Variants in AKAP13 observed in about 807,000 individuals in gnomAD.
AKAP13 encodes the protein A-kinase anchor protein 13.
A neutral mutation model predicts 264.5 loss-of-function variants in AKAP13; 80 were observed. The observed-to-expected ratio is 0.30, with a 90% CI of 0.25 to 0.36. The LOEUF is 0.36. AKAP13 is among the 10% of genes least tolerant of loss of function. The probability of loss-of-function intolerance (pLI) is 1.00; values close to 1 mark genes in which losing one functional copy is unlikely to be tolerated. For missense variants in AKAP13, 3,712 were observed against 3,435.2 expected, an observed-to-expected ratio of 1.08 and a Z score of -2.01; for synonymous variants, 1,380 against 1,250.2, an observed-to-expected ratio of 1.10 and a Z score of -2.19.
At position 85,741,182 on chromosome 15, in the gene AKAP13, A is replaced by G. The variant is rs1291406623; in HGVS notation, c.7745A>G (p.Gln2582Arg). Reference protein sequence around the residue: ...EKQRSLEKQRQDLANLQKQQA... With the variant: ...EKQRSLEKQRRDLANLQKQQA... ...CAGCGCAGCCTGGAGAAGCAGCGCC[A>G]GGACCTGGCCAACCTGCAGAAGCAG... Residue 2582 changes from glutamine to arginine, a missense_variant, in exon 35 of 37, where the codon CAG becomes CGG. Coordinates refer to ENST00000394518, the MANE Select transcript of AKAP13 (RefSeq NM_007200.5). The G allele has an allele frequency of 6.2e-7, 1 of 1,611,896 alleles. No homozygotes were observed. Among genetic ancestry groups the G allele is most frequent in the African/African-American group, 1.3e-5 (1 of 74,884 alleles).
chr15:85,720,123 A>T (rs944399088), intron 23 of AKAP13, among the ~76,000 whole-genome samples: 5 of 151,700 alleles, frequency 3.3e-5, no homozygotes, highest in African/African-American at 1.2e-4. Context: ...GGTCCCAACC[A>T]CTCAGGAGCC....
chr15:85,606,090 CTTTT>C (rs369008646), intron 8 of AKAP13, among the ~76,000 whole-genome samples: 34 of 88,368 alleles, frequency 3.8e-4, no homozygotes, highest in Non-Finnish European at 5.0e-4. Context: ...GTTTGATCTA[CTTTT>C]TTTTTTTTTT....
chr15:85,681,048 C>T (rs2084570008), intron 14 of AKAP13, among the ~76,000 whole-genome samples: 1 of 152,080 alleles, frequency 6.6e-6, no homozygotes, highest in Non-Finnish European at 1.5e-5. Flanking sequence ...AAACTCCTGA[C>T]CTCAAGTGAT....
chr15:85,434,699 CA>C (rs2073191795), intron 1 of AKAP13, among the ~76,000 whole-genome samples: 2 of 152,196 alleles, frequency 1.3e-5, no homozygotes, highest in African/African-American at 4.8e-5. Context: ...AGGTACCCCC[CA>C]GCAGGGGCAC....
intron 8 of AKAP13, among the ~76,000 whole-genome samples, chr15:85,612,294 A>T (rs2080673324): frequency 6.6e-6 from 1 of 152,222 alleles, no homozygotes; most frequent in African/African-American, 2.4e-5. Context: ...TTATGCTTTG[A>T]ATAGGTGCAG....
At chr15:85,740,740 CCCACCCACCCACACAGACACACACA>C (rs2088896621) in intron 34 of AKAP13, among the ~76,000 whole-genome samples, 2 of 125,704 alleles carry the variant, frequency 1.6e-5, no homozygotes, top group African/African-American at 3.1e-5. Context: ...ACACACACAA[CCCACCCACCCACACAGACACACACA>C]CACACAACCA....
chr15:85,640,988 G>A (rs1317940067), intron 9 of AKAP13, among the ~76,000 whole-genome samples: 1 of 152,014 alleles, frequency 6.6e-6, no homozygotes, highest in Admixed American at 6.6e-5. Flanking sequence ...GTAAAATCTC[G>A]ATTTAACAGA....
At chr15:85,677,356 C>A (rs980436884) in intron 14 of AKAP13, among the ~76,000 whole-genome samples, 1 of 152,186 alleles carries the variant, frequency 6.6e-6, no homozygotes, top group Non-Finnish European at 1.5e-5. Flanking sequence ...CACACAGATA[C>A]CCTCAAAGGT....
intron 1 of AKAP13, among the ~76,000 whole-genome samples, chr15:85,443,231 C>T (rs1295140348): frequency 6.6e-6 from 1 of 151,814 alleles, no homozygotes; most frequent in African/African-American, 2.4e-5. Flanking sequence ...CAAATTAAGA[C>T]TTGTTTCTCT....
chr15:85,606,090 CTTT>C (rs369008646), intron 8 of AKAP13, among the ~76,000 whole-genome samples: 15 of 88,370 alleles, frequency 1.7e-4, no homozygotes, highest in South Asian at 4.4e-4. Context: ...GTTTGATCTA[CTTT>C]TTTTTTTTTT....
chr15:85,559,945 A>G (rs16941432), intron 5 of AKAP13, among the ~76,000 whole-genome samples: 55,933 of 151,714 alleles, frequency 0.37, 10,533 homozygotes, highest in African/African-American at 0.42. Context: ...AAGAAAAAGT[A>G]CATTAGTGAG....
At chr15:85,636,615 A>AT (rs34550876) in intron 8 of AKAP13, among the ~76,000 whole-genome samples, 44,247 of 148,260 alleles carry the variant, frequency 0.3, 8,740 homozygotes, top group East Asian at 0.57. Context: ...AATTTTGCTG[A>AT]TTTTTTTTTT....
intron 1 of AKAP13, among the ~76,000 whole-genome samples, chr15:85,438,168 C>T (rs2150946335): frequency 6.9e-6 from 1 of 144,572 alleles, no homozygotes; most frequent in East Asian, 2.0e-4. Flanking sequence ...TCTCATACAC[C>T]AACAACAGAC....
intron 1 of AKAP13, among the ~76,000 whole-genome samples, chr15:85,483,393 G>A (rs532469108): frequency 2.2e-4 from 34 of 152,274 alleles, no homozygotes; most frequent in African/African-American, 5.5e-4. Flanking sequence ...TTGGGAGGCC[G>A]AGGCGGGTGG....
At chr15:85,703,010 T>G (rs1047894055) in intron 17 of AKAP13, among the ~76,000 whole-genome samples, 1 of 152,250 alleles carries the variant, frequency 6.6e-6, no homozygotes, top group African/African-American at 2.4e-5. Context: ...ACTGAGATTA[T>G]TGCTGATTTA....
rs145697420 is a variant in AKAP13, at chr15:85,698,056, C to T, written c.5464+4605C>T. Among the ~76,000 whole-genome samples, 89 of 152,218 alleles carry T rather than the reference C, an allele frequency of 5.8e-4. 1 individual carries two copies. The East Asian group carries it at 0.013, about 23-fold the overall frequency. ...AAAAAGGAATTCTAAAATGATCCTTCGTACTTATTTATTGTGAACTTGTTT... is the reference window on the plus strand; with the variant it reads ...AAAAAGGAATTCTAAAATGATCCTTTGTACTTATTTATTGTGAACTTGTTT... On this transcript the variant is annotated intron_variant, in intron 17 of 36. Transcript: ENST00000394518.
intron 20 of AKAP13, among the ~76,000 whole-genome samples, chr15:85,716,802 A>G (rs745998823): frequency 6.6e-6 from 1 of 152,204 alleles, no homozygotes; most frequent in Non-Finnish European, 1.5e-5. Context: ...GTAACTTTCA[A>G]AAGTTGGTCT....
At chr15:85,684,917 T>G in intron 16 of AKAP13, 44 bp downstream of exon 16, 1 of 1,582,178 alleles carries the variant, frequency 6.3e-7, no homozygotes, top group Non-Finnish European at 8.6e-7. Flanking sequence ...CTCAGTAGGA[T>G]CCTGTCACAG....
At chr15:85,394,915 C>T (rs1013542518) in intron 1 of AKAP13, among the ~76,000 whole-genome samples, 3 of 152,182 alleles carry the variant, frequency 2.0e-5, no homozygotes, top group Admixed American at 1.3e-4. Flanking sequence ...AGAGTTGCAA[C>T]GACTCCTTTC....
Sources: allele counts gnomAD v4.1 joint callset (sites outside exome capture counted in the v4.1 genomes callset), GRCh38; gene constraint gnomAD v4.1.1; transcripts MANE v1.5; gene names NCBI Gene and HGNC (gene_info 2026-07-23, HGNC 2026-07-21).